Variants in ADGRG1 observed in about 807,000 individuals in gnomAD.
ADGRG1 encodes the protein adhesion G protein-coupled receptor G1.
In ADGRG1, 53 loss-of-function variants were observed where a neutral mutation model predicts 73.5. That is an observed-to-expected ratio of 0.72 (90% confidence interval 0.58 to 0.91). ADGRG1 has a LOEUF of 0.91. Ranked by LOEUF, ADGRG1 falls within the 40% of genes least tolerant of loss-of-function variation. The probability of loss-of-function intolerance (pLI) is 0.00; values close to 1 mark genes in which losing one functional copy is unlikely to be tolerated. For missense variants in ADGRG1, 795 were observed against 871.8 expected, an observed-to-expected ratio of 0.91 and a Z score of 1.11; for synonymous variants, 394 against 374.4, an observed-to-expected ratio of 1.05 and a Z score of -0.60.
At chr16:57,625,201 T>G (rs775757094), upstream of ADGRG1, among the ~76,000 whole-genome samples, 1 of 152,184 alleles carries the variant, frequency 6.6e-6, no homozygotes, top group Non-Finnish European at 1.5e-5. Context: ...TCTCTGGGCC[T>G]GGCGACCCCA....
upstream of ADGRG1, chr16:57,628,064 C>CT (rs1287096674): frequency 1.1e-6 from 1 of 883,682 alleles, no homozygotes; most frequent in Non-Finnish European, 1.3e-6. Context: ...AGACGGGTCA[C>CT]CCCCCGGGGG....
intron 1 of ADGRG1, among the ~76,000 whole-genome samples, chr16:57,632,575 T>C (rs1278997493): frequency 2.0e-5 from 3 of 152,254 alleles, no homozygotes; most frequent in Admixed American, 2.0e-4. Context: ...CACTTCTCCC[T>C]GCCCCCGCTA....
intron 1 of ADGRG1, chr16:57,636,416 G>GC: frequency 3.0e-6 from 3 of 985,298 alleles, no homozygotes; most frequent in Non-Finnish European, 2.4e-6. Context: ...AGGGGAGTTT[G>GC]CCTTGTGTTT....
At position 57,660,739 on chromosome 16, in the gene ADGRG1, A is replaced by C. The variant is rs1382991466; in HGVS notation, c.1556-29A>C. 7 of 1,522,816 alleles carry C rather than the reference A, an allele frequency of 4.6e-6. 1 individual carries two copies. The South Asian group carries it at 8.0e-5, about 17-fold the overall frequency. The allele number at this position is 1,522,816 out of a possible 1,614,324, so 94.3% of individuals were successfully genotyped here. A position where few individuals can be genotyped will look rare whatever the true frequency, so the allele number is the denominator to read the frequency against. On this transcript the variant is annotated intron_variant, in intron 11 of 13. Coordinates refer to ENST00000562631, the MANE Select transcript of ADGRG1 (RefSeq NM_201525.4). ...AATGGGCAGGCCTCAGAGAGCGGGA[A>C]GTAGAGCAACATGCATTGCCACCCT...
At chr16:57,624,114 A>G (rs972206970), upstream of ADGRG1, 1 of 669,940 alleles carries the variant, frequency 1.5e-6, no homozygotes, top group Admixed American at 6.3e-5. Flanking sequence ...TTGAGCACCT[A>G]CTGTGTGCCT....
Position 57,661,760 on chromosome 16 carries a change from T to G in ADGRG1, c.1728T>G (p.Phe576Leu). ...ITNLGLFSLV[F>L]LFNMAMLATM... ...ACCTGGGCCTCTTCAGCCTGGTGTT[T>G]CTGTTCAACATGGCCATGCTAGCCA... Residue 576 changes from phenylalanine (F) to leucine (L), a missense_variant, in exon 13 of 14, where the codon TTT becomes TTG. Transcript: ENST00000562631. 6.2e-7 allele frequency: 1 copy of G among 1,614,212 alleles called. No individual in the cohort carries two copies. Among genetic ancestry groups the G allele is most frequent in the Non-Finnish European group, 8.5e-7 (1 of 1,180,030 alleles).
At chr16:57,647,810 T>C in intron 1 of ADGRG1, 2 of 978,290 alleles carry the variant, frequency 2.0e-6, no homozygotes, top group Non-Finnish European at 2.4e-6. Flanking sequence ...AGTTGGTCCC[T>C]TGTGTGTGTC....
intron 12 of ADGRG1, chr16:57,661,459 C>T (rs776223454): frequency 5.1e-6 from 5 of 983,752 alleles, no homozygotes; most frequent in Non-Finnish European, 4.8e-6. Flanking sequence ...TATGTTGTGA[C>T]CCAGTGATTT....
At chr16:57,622,709 C>T (rs1356227834) in intron 2 of ADGRG1, 1 of 908,086 alleles carries the variant, frequency 1.1e-6, no homozygotes, top group Admixed American at 6.2e-5. Context: ...TCCATCCTTC[C>T]TGCCAAGTGC....
intron 1 of ADGRG1, chr16:57,648,239 AG>A (rs779422668): frequency 6.5e-6 from 1 of 152,920 alleles, no homozygotes; most frequent in Non-Finnish European, 1.5e-5. Flanking sequence ...AGAAGGAAAG[AG>A]GGGGTCCGGA....
In ADGRG1 at chr16:57,651,019, T is replaced by C. The variant is rs2043950177; in HGVS notation, c.65-181T>C. The C allele has an allele frequency of 2.6e-6, 4 of 1,520,906 alleles. No individual in the cohort carries two copies. The East Asian group carries it at 7.4e-5, about 28-fold the overall frequency. 94.2% of individuals were successfully genotyped at this position (1,520,906 alleles called of 1,614,324 possible). A position where few individuals can be genotyped will look rare whatever the true frequency, so the allele number is the denominator to read the frequency against. On this transcript the variant is annotated intron_variant, in intron 2 of 13. Coordinates refer to ENST00000562631, the MANE Select transcript of ADGRG1 (RefSeq NM_201525.4). Reference sequence around the variant, plus strand: ...CACCGCGCCCGGCCTCAGTTTCCTCTTTTTATAGTTTGATGCTGATAAGTT... The same window carrying C: ...CACCGCGCCCGGCCTCAGTTTCCTCCTTTTATAGTTTGATGCTGATAAGTT...
At chr16:57,641,328 C>T in intron 1 of ADGRG1, 1 of 985,392 alleles carries the variant, frequency 1.0e-6, no homozygotes, top group Non-Finnish European at 1.2e-6. Context: ...CCCTGGCGCC[C>T]AGGAGGCTGG....
At chr16:57,638,764 C>T (rs1226142480) in intron 1 of ADGRG1, among the ~76,000 whole-genome samples, 1 of 152,226 alleles carries the variant, frequency 6.6e-6, no homozygotes. Context: ...GTGGCCTGCA[C>T]TGGGTTCTAA....
Position 57,663,742 on chromosome 16 carries a change from C to T in ADGRG1, c.*160C>T. On this transcript the variant is annotated 3_prime_UTR_variant, in exon 14 of 14. Transcript: ENST00000562631. ...GGCCGTTGCCATGGTGGACGGACTC[C>T]CGGGCTGGGCTTTTGAATTGGCCTT... is the stretch of plus-strand genomic sequence containing the variant. The T allele has an allele frequency of 1.3e-6, 1 of 781,828 alleles. No individual in the cohort carries two copies. The highest frequency in any genetic ancestry group is 2.7e-5 in the East Asian group (1 of 37,326). 48.4% of individuals were successfully genotyped at this position (781,828 alleles called of 1,614,324 possible). A position where few individuals can be genotyped will look rare whatever the true frequency, so the allele number is the denominator to read the frequency against.
At chr16:57,622,889 G>A (rs938604061), upstream of ADGRG1, 3 of 985,344 alleles carry the variant, frequency 3.0e-6, no homozygotes, top group African/African-American at 5.2e-5. Flanking sequence ...TGAACCCTAA[G>A]GAACTGCATT....
chr16:57,633,320 C>A, intron 1 of ADGRG1: 5 of 985,026 alleles, frequency 5.1e-6, no homozygotes, highest in Non-Finnish European at 6.0e-6. Flanking sequence ...GGCTCAAATC[C>A]TTGAAAAATG....
chr16:57,635,564 T>C lies in ADGRG1; in HGVS notation c.-36+6762T>C, dbSNP rs2039140931. 3.0e-6 allele frequency: 3 copies of C among 985,216 alleles called. No individual in the cohort carries two copies. The South Asian group carries it at 1.4e-4, about 46-fold the overall frequency. The allele number at this position is 985,216 out of a possible 1,614,324, so 61.0% of individuals were successfully genotyped here. ...GTTTGGGAAACTGGAGTCAGAACCT[T>C]TAGTGATTGCGATCTAGGAAGGACG... On this transcript the variant is annotated intron_variant, in intron 1 of 13. Transcript: ENST00000562631.
chr16:57,657,570 G>A lies in ADGRG1; in HGVS notation c.1286+79G>A, dbSNP rs118098232. ...CCACCAGGGCGCCGCACACATCTCC[G>A]GTCATGGCCCGCCCGCATGACCTGG... On this transcript the variant is annotated intron_variant, in intron 10 of 13. Coordinates refer to ENST00000562631, the MANE Select transcript of ADGRG1 (RefSeq NM_201525.4). The A allele has an allele frequency of 8.8e-3, 9,505 of 1,083,666 alleles. 50 individuals carry two copies. Among genetic ancestry groups the A allele is most frequent in the Middle Eastern group, 0.015 (62 of 4,258 alleles). 67.1% of individuals were successfully genotyped at this position (1,083,666 alleles called of 1,614,324 possible).
At chr16:57,652,673 G>A in intron 3 of ADGRG1, 1 of 990,328 alleles carries the variant, frequency 1.0e-6, no homozygotes, top group African/African-American at 1.7e-5. Context: ...AGCTACCCAG[G>A]GCCTGCCTTC....
Sources: allele counts gnomAD v4.1 joint callset (sites outside exome capture counted in the v4.1 genomes callset), GRCh38; gene constraint gnomAD v4.1.1; transcripts MANE v1.5; gene names NCBI Gene and HGNC (gene_info 2026-07-23, HGNC 2026-07-21).